Variants in FAM153A observed in about 807,000 individuals in gnomAD.
FAM153A encodes the protein protein FAM153A.
In FAM153A, 12 loss-of-function variants were observed where a neutral mutation model predicts 48.1. The observed-to-expected ratio is 0.25, with a 90% confidence interval of 0.16 to 0.40. FAM153A has a LOEUF of 0.40. Among genes scored for constraint, FAM153A ranks in the 10% least tolerant of loss-of-function variants. The pLI is 1.00. For synonymous variants in FAM153A, 36 were observed against 118.2 expected, an observed-to-expected ratio of 0.30 and a Z score of 4.51; for missense variants, 111 against 345.8, an observed-to-expected ratio of 0.32 and a Z score of 5.38.
intron 12 of FAM153A, among the ~76,000 whole-genome samples, 196 bp from the exon 15 acceptor site, chr5:177,735,129 C>G (rs1387453445): frequency 1.7e-5 from 2 of 121,010 alleles, no homozygotes; most frequent in African/African-American, 2.7e-5. Context: ...ACAGTGCACA[C>G]CACGCAGTGC....
chr5:177,707,348 A>G (rs909114622), downstream of FAM153A, among the ~76,000 whole-genome samples: 4 of 151,944 alleles, frequency 2.6e-5, no homozygotes, highest in Admixed American at 6.5e-5. Context: ...TTCTCAGACC[A>G]AAGAGAAACG....
the FAM153A span, among the ~76,000 whole-genome samples, chr5:177,696,708 C>G: frequency 8.6e-5 from 13 of 150,970 alleles, no homozygotes; most frequent in Non-Finnish European, 1.9e-4. Flanking sequence ...GCTCTGTTGC[C>G]TAGGCTGGAG....
In FAM153A at chr5:177,766,321, A is replaced by G. The variant is rs1204029719; in HGVS notation, c.-57+14128T>C. ...CAGAATGTTTAACACAGGTTAAAGT[A>G]CTAGAGGTTATTTTAATTGGTCCTA... On this transcript the variant is annotated intron_variant, in intron 1 of 8. Transcript: ENST00000393518. Among the ~76,000 whole-genome samples the G allele has an allele frequency of 3.1e-5, 3 of 97,080 alleles. 1 individual carries two copies. Among genetic ancestry groups the G allele is most frequent in the Non-Finnish European group, 4.5e-5 (2 of 44,716 alleles). The allele number at this position is 97,080 out of a possible 152,430, so 63.7% of individuals were successfully genotyped here.
chr5:177,738,031 C>T (rs772800626), intron 10 of FAM153A, among the ~76,000 whole-genome samples: 36 of 151,504 alleles, frequency 2.4e-4, no homozygotes, highest in Non-Finnish European at 2.9e-4. Context: ...GTGTGTGCCA[C>T]GGGACCTGCT....
downstream of FAM153A, among the ~76,000 whole-genome samples, chr5:177,706,212 T>G (rs1303032128): frequency 2.0e-5 from 3 of 151,748 alleles, no homozygotes; most frequent in Non-Finnish European, 4.4e-5. Flanking sequence ...TGTTGTTGTT[T>G]TTGAGACAGA....
exon 17 of FAM153A, chr5:177,729,515 T>C (rs374319312): frequency 5.0e-6 from 8 of 1,608,538 alleles, no homozygotes; most frequent in Non-Finnish European, 6.8e-6. Flanking sequence ...CCTCAGAGAC[T>C]GTCTGCTCTG....
intron 9 of FAM153A, 25 bp downstream of exon 11, chr5:177,739,575 T>C (rs1765234853): frequency 1.9e-6 from 1 of 535,290 alleles, no homozygotes; most frequent in African/African-American, 2.4e-5. Context: ...AAATTCCCCT[T>C]TCAGACAAAA....
intron 1 of FAM153A, among the ~76,000 whole-genome samples, chr5:177,759,210 T>C (rs926943871): frequency 2.6e-5 from 4 of 151,726 alleles, no homozygotes; most frequent in African/African-American, 9.7e-5. Context: ...AACAGACACA[T>C]GAAAAAATGC....
Position 177,749,589 on chromosome 5 carries a change from G to A in FAM153A, c.176-890C>T, listed in dbSNP as rs1261934300. Among the ~76,000 whole-genome samples the A allele has an allele frequency of 3.1e-5, 3 of 95,588 alleles. 1 individual carries two copies. Among genetic ancestry groups the A allele is most frequent in the Non-Finnish European group, 6.5e-5 (3 of 46,318 alleles). The allele number at this position is 95,588 out of a possible 152,430, so 62.7% of individuals were successfully genotyped here. A position where few individuals can be genotyped will look rare whatever the true frequency, so the allele number is the denominator to read the frequency against. On this transcript the variant is annotated intron_variant, in intron 2 of 20. Transcript: ENST00000614127. ...TGCAGGAGTGAAAGTCTATTGAAAT[G>A]TTTGAGAGTAGGAATGACAGGAAGC...
chr5:177,708,890 C>A (rs184022095), downstream of FAM153A, among the ~76,000 whole-genome samples: 1 of 151,266 alleles, frequency 6.6e-6, no homozygotes, highest in Non-Finnish European at 1.5e-5. Context: ...GTCAAGAGAT[C>A]GAGACCATTC....
chr5:177,718,881 G>C (rs942627557), downstream of FAM153A, among the ~76,000 whole-genome samples: 1 of 149,996 alleles, frequency 6.7e-6, no homozygotes, highest in Non-Finnish European at 1.5e-5. Context: ...AGTCAATAAA[G>C]TATACAATTT....
chr5:177,733,193 TG>T (rs1764137236), intron 14 of FAM153A, among the ~76,000 whole-genome samples: 1 of 112,394 alleles, frequency 8.9e-6, no homozygotes, highest in African/African-American at 3.4e-5. Flanking sequence ...TGCTGTGTCT[TG>T]GGGGTATGTG....
At chr5:177,700,202 G>GA in the FAM153A span, among the ~76,000 whole-genome samples, 1 of 151,914 alleles carries the variant, frequency 6.6e-6, no homozygotes, top group Non-Finnish European at 1.5e-5. Context: ...CCCAACCCAT[G>GA]AAAGGGTATC....
chr5:177,738,076 C>T (rs1764967754), intron 10 of FAM153A, among the ~76,000 whole-genome samples: 1 of 151,268 alleles, frequency 6.6e-6, no homozygotes, highest in Admixed American at 6.6e-5. Flanking sequence ...AGCATTAGGA[C>T]AGCCCATCAC....
At chr5:177,764,792 G>A (rs1265829028) in intron 1 of FAM153A, among the ~76,000 whole-genome samples, 1 of 150,262 alleles carries the variant, frequency 6.7e-6, no homozygotes, top group Admixed American at 6.7e-5. Context: ...GGATGGCTGG[G>A]AACACCTCAG....
chr5:177,723,645 C>T (rs1761657124), exon 21 of FAM153A: 1 of 151,066 alleles, frequency 6.6e-6, no homozygotes, highest in Admixed American at 6.1e-5. Flanking sequence ...GGACACATTT[C>T]AGTGCTTCTT....
downstream of FAM153A, among the ~76,000 whole-genome samples, chr5:177,710,580 G>A (rs1758323626): frequency 1.3e-5 from 2 of 150,116 alleles, no homozygotes; most frequent in African/African-American, 4.9e-5. Flanking sequence ...CAGCTCCAAT[G>A]TAAGCTTGTT....
intron 18 of FAM153A, among the ~76,000 whole-genome samples, chr5:177,725,911 T>G (rs1393854418): frequency 5.3e-5 from 8 of 151,670 alleles, no homozygotes; most frequent in African/African-American, 1.7e-4. Context: ...CCAATTTAGG[T>G]TTCATTCAAA....
At chr5:177,710,432 G>A (rs1311175487), downstream of FAM153A, among the ~76,000 whole-genome samples, 1 of 151,538 alleles carries the variant, frequency 6.6e-6, no homozygotes, top group Non-Finnish European at 1.5e-5. Context: ...TTAAAATCTT[G>A]TATATTGATT....
Sources: allele counts gnomAD v4.1 joint callset (sites outside exome capture counted in the v4.1 genomes callset), GRCh38; gene constraint gnomAD v4.1.1; transcripts MANE v1.5; gene names NCBI Gene and HGNC (gene_info 2026-07-23, HGNC 2026-07-21).